The following ZNF157 variants were observed in gnomAD, a reference collection of about 807,000 sequenced individuals.
ZNF157 encodes zinc finger protein 22.
ZNF157 carries 8 observed loss-of-function variants against 9.4 expected under a neutral mutation model. The observed-to-expected ratio is 0.85, with a 90% CI of 0.50 to 1.53. ZNF157 has a LOEUF of 1.53. Among genes scored for constraint, ZNF157 ranks in the 40% most tolerant of loss-of-function variants. ZNF157 has a pLI of 0.00. For synonymous variants in ZNF157, 120 were observed against 130.8 expected, an observed-to-expected ratio of 0.92 and a Z score of 0.56; for missense variants, 316 against 385.2, an observed-to-expected ratio of 0.82 and a Z score of 1.50.
At chrX:47,409,428 G>T (rs749408187) in intron 1 of ZNF157, among the ~76,000 whole-genome samples, 1 of 111,298 alleles carries the variant, frequency 9.0e-6, no homozygotes, top group East Asian at 2.8e-4. Context: ...TCCACCTCCC[G>T]GGTTCAAGTG....
At chrX:47,399,574 T>C (rs2055924410) in intron 1 of ZNF157, among the ~76,000 whole-genome samples, 1 of 112,096 alleles carries the variant, frequency 8.9e-6, no homozygotes, top group Admixed American at 9.5e-5. Flanking sequence ...TCGGAATCTA[T>C]CTAGCAAGAA....
chrX:47,385,485 TAGAA>T (rs1684182620), intron 1 of ZNF157, among the ~76,000 whole-genome samples: 2 of 109,356 alleles, frequency 1.8e-5, no homozygotes, highest in African/African-American at 3.3e-5. Flanking sequence ...GGTGAAATGA[TAGAA>T]AGAATAACAA....
Position 47,412,686 on chromosome X carries a change from C to G in ZNF157, c.613C>G (p.Leu205Val), listed in dbSNP as rs2055969132. 1 of 1,211,661 alleles carries G rather than the reference C, an allele frequency of 8.3e-7. No homozygotes were observed. The highest frequency in any genetic ancestry group is 1.7e-5 in the African/African-American group (1 of 57,777). Reference protein sequence around the residue: ...CAKTFSARSYLIAHQKTHTGE... With the variant: ...CAKTFSARSYVIAHQKTHTGE... The stretch of plus-strand genomic sequence containing the variant: ...AAAAACCTTCAGTGCAAGATCATAC[C>G]TCATTGCTCATCAGAAAACTCACAC... The change falls in exon 4 of 4, where the codon CTC (leucine) becomes GTC (valine). Residue 205 changes from leucine (L) to valine (V), a missense_variant. This residue lies in a region of ZNF157 where 146 missense variants were observed against 183.8 expected (regional missense o/e 0.79). Coordinates refer to ENST00000377073, the MANE Select transcript of ZNF157 (RefSeq NM_003446.4).
intron 1 of ZNF157, chrX:47,390,162 A>G (rs1199285739): frequency 9.0e-6 from 1 of 111,245 alleles, no homozygotes; most frequent in African/African-American, 3.3e-5. Context: ...TGGGAGGAGC[A>G]TTACTAAATA....
rs2055974631 is a variant in ZNF157, at chrX:47,413,722, A to G, written c.*128A>G. The G allele has an allele frequency of 9.9e-7, 1 of 1,014,684 alleles. No individual in the cohort carries two copies. The highest frequency in any genetic ancestry group is 1.9e-5 in the African/African-American group (1 of 52,303). 83.6% of individuals were successfully genotyped at this position (1,014,684 alleles called of 1,213,427 possible). A position where few individuals can be genotyped will look rare whatever the true frequency, so the allele number is the denominator to read the frequency against. On this transcript the variant is annotated 3_prime_UTR_variant, in exon 4 of 4. Coordinates refer to ENST00000377073, the MANE Select transcript of ZNF157 (RefSeq NM_003446.4). ...TCCTGATCCCCTTAGGGGATAGCTC[A>G]TTGTTTTTATTCAGATTTCCCTAAT...
intron 1 of ZNF157, among the ~76,000 whole-genome samples, chrX:47,391,617 C>G (rs2055897324): frequency 8.9e-6 from 1 of 112,114 alleles, no homozygotes; most frequent in Admixed American, 9.5e-5. Context: ...GTGGCACGAT[C>G]TCGGCTCACT....
intron 1 of ZNF157, among the ~76,000 whole-genome samples, chrX:47,405,127 T>G (rs939077895): frequency 9.0e-6 from 1 of 111,008 alleles, no homozygotes; most frequent in Admixed American, 9.7e-5. Flanking sequence ...GTGGCTCACA[T>G]CTGTAATCCC....
chrX:47,399,297 C>T (rs776585385), intron 1 of ZNF157, among the ~76,000 whole-genome samples: 1 of 111,105 alleles, frequency 9.0e-6, no homozygotes, highest in Admixed American at 9.7e-5. Context: ...CACTGTCAAC[C>T]GCAATTTTGT....
intron 1 of ZNF157, among the ~76,000 whole-genome samples, chrX:47,394,494 A>T (rs1390705439): frequency 8.9e-6 from 1 of 111,983 alleles, no homozygotes; most frequent in Non-Finnish European, 1.9e-5. Flanking sequence ...TGTAAGAAAA[A>T]ACCAGGCCGC....
Position 47,412,395 on chromosome X carries a change from G to T in ZNF157, c.322G>T (p.Gly108Cys). 8.3e-7 allele frequency: 1 copy of T among 1,201,506 alleles called. No homozygotes were observed. Among genetic ancestry groups the T allele is most frequent in the Non-Finnish European group, 1.1e-6 (1 of 888,342 alleles). Residue 108 changes from glycine to cysteine, a missense_variant, in exon 4 of 4, where the codon GGT (glycine) becomes TGT (cysteine). By Grantham distance (159) the Gly-to-Cys change is radical (BLOSUM62 -3). Coordinates refer to ENST00000377073, the MANE Select transcript of ZNF157 (RefSeq NM_003446.4). ...SGSLSLLCGNGSVGDNALRHD... is the reference protein window; with the variant it reads ...SGSLSLLCGNCSVGDNALRHD... Reference sequence around the variant, plus strand: ...ATCTCTCTCACTGCTGTGTGGCAATGGTTCTGTTGGGGATAATGCCCTCAG... The same window carrying T: ...ATCTCTCTCACTGCTGTGTGGCAATTGTTCTGTTGGGGATAATGCCCTCAG...
In ZNF157 at chrX:47,412,689, A is replaced by G. The variant is rs1178492594; in HGVS notation, c.616A>G (p.Ile206Val). Residue 206 changes from isoleucine to valine, a missense_variant, in exon 4 of 4, where the codon ATT becomes GTT. Coordinates refer to ENST00000377073, the MANE Select transcript of ZNF157 (RefSeq NM_003446.4). ...AKTFSARSYL[I>V]AHQKTHTGER... ...AACCTTCAGTGCAAGATCATACCTC[A>G]TTGCTCATCAGAAAACTCACACAGG... 8.3e-7 allele frequency: 1 copy of G among 1,210,161 alleles called. No individual in the cohort carries two copies. The highest frequency in any genetic ancestry group is 1.1e-6 in the Non-Finnish European group (1 of 895,260).
At chrX:47,396,787 GGTTTA>G (rs1370989951) in intron 1 of ZNF157, among the ~76,000 whole-genome samples, 1 of 111,806 alleles carries the variant, frequency 8.9e-6, no homozygotes, top group Non-Finnish European at 1.9e-5. Context: ...AAAGGAAAGA[GGTTTA>G]GTTGGCTCAT....
intron 1 of ZNF157, among the ~76,000 whole-genome samples, chrX:47,387,326 T>A (rs2055882831): frequency 9.1e-6 from 1 of 110,018 alleles, no homozygotes; most frequent in African/African-American, 3.3e-5. Context: ...TTTCTCCATG[T>A]TGGTCAGGCT....
intron 3 of ZNF157, among the ~76,000 whole-genome samples, chrX:47,411,179 G>A (rs772969304): frequency 1.8e-5 from 2 of 110,229 alleles, no homozygotes; most frequent in African/African-American, 6.6e-5. Flanking sequence ...AGTAGAGACA[G>A]GGTTTCACCA....
intron 1 of ZNF157, among the ~76,000 whole-genome samples, chrX:47,386,748 C>T (rs917317506): frequency 6.3e-5 from 7 of 111,568 alleles, no homozygotes; most frequent in Admixed American, 9.6e-5. Context: ...GCATGAGCCA[C>T]GCCACCCGGC....
chrX:47,380,604 CAT>C (rs1262383320), intron 1 of ZNF157, among the ~76,000 whole-genome samples: 1 of 110,956 alleles, frequency 9.0e-6, no homozygotes, highest in African/African-American at 3.3e-5. Flanking sequence ...TCGTAGTGCA[CAT>C]GTCTTGAGCC....
intron 1 of ZNF157, among the ~76,000 whole-genome samples, chrX:47,388,071 AT>A (rs1175086828): frequency 9.2e-6 from 1 of 108,453 alleles, no homozygotes. Context: ...TGATACTTAA[AT>A]TTTTTTATTA....
rs2055971014 is a variant in ZNF157 at position 47,413,058 on chromosome X, C to A, written c.985C>A (p.Pro329Thr). 4 of 1,209,441 alleles carry A rather than the reference C, an allele frequency of 3.3e-6. No individual in the cohort carries two copies. Among genetic ancestry groups the A allele is most frequent in the South Asian group, 3.5e-5 (2 of 56,656 alleles). ...TCAAAGAATTCACACAGGTGAGAAACCCTATGAGTGTGGTGAATGTGGGAA... is the reference window on the plus strand; with the variant it reads ...TCAAAGAATTCACACAGGTGAGAAAACCTATGAGTGTGGTGAATGTGGGAA... The part of the protein sequence containing the change: ...QHQRIHTGEK[P>T]YECGECGKFF... Residue 329 changes from proline to threonine, a missense_variant, in exon 4 of 4, where the codon CCC becomes ACC. Physicochemically the swap from Pro to Thr is conservative, Grantham distance 38. Around this residue, in one of 3 missense-constraint regions of ZNF157, gnomAD observed 167 missense variants for 183.6 expected, o/e 0.91. Transcript: ENST00000377073.
intron 1 of ZNF157, among the ~76,000 whole-genome samples, chrX:47,382,187 C>T (rs139816209): frequency 0.034 from 3,745 of 109,182 alleles, 174 homozygotes; most frequent in African/African-American, 0.12. Context: ...CTCAGGTGAG[C>T]AGAGGGAGGA....
Sources: gnomAD v4.1 joint callset for allele counts (sites outside exome capture counted in the v4.1 genomes callset) on GRCh38, gnomAD v4.1.1 for gene constraint, gnomAD v4.1.1 regional missense constraint, MANE v1.5 for transcripts, NCBI Gene and HGNC (gene_info 2026-07-23, HGNC 2026-07-21) for gene names.